The following ARHGAP22 variants were observed in gnomAD, a reference collection of about 807,000 sequenced individuals.
ARHGAP22 encodes the protein Rho GTPase activating protein 22, also known as rho GTPase-activating protein 22.
ARHGAP22 carries 48 observed loss-of-function variants against 59.1 expected under a neutral mutation model. The observed-to-expected ratio is 0.81, with a 90% CI of 0.64 to 1.03. The LOEUF (loss-of-function observed/expected upper bound fraction) is 1.03, where lower values mean the gene tolerates loss of function less well. Among genes scored for constraint, ARHGAP22 ranks in the 50% least tolerant of loss-of-function variants. ARHGAP22 has a pLI of 0.00. For synonymous variants in ARHGAP22, 445 were observed against 416.4 expected (o/e 1.07, Z -0.84); for missense variants, 1,015 against 958.7 (o/e 1.06, Z -0.78).
intron 1 of ARHGAP22, among the ~76,000 whole-genome samples, chr10:48,600,523 T>C (rs1410351081): frequency 2.1e-5 from 3 of 145,866 alleles, no homozygotes; most frequent in Non-Finnish European, 4.5e-5. Flanking sequence ...ATTTTAGAAA[T>C]AAACAATGAA....
At chr10:48,431,203 T>C in the ARHGAP22 span, 1 of 1,605,394 alleles carries the variant, frequency 6.2e-7, no homozygotes, top group South Asian at 1.1e-5. Context: ...AATTGATATA[T>C]AAGGAAGTTA....
chr10:48,584,409 A>C (rs2059297400), intron 1 of ARHGAP22, among the ~76,000 whole-genome samples: 1 of 152,204 alleles, frequency 6.6e-6, no homozygotes, highest in Non-Finnish European at 1.5e-5. Context: ...AGCCAACTCA[A>C]AGGACACTTC....
At position 48,582,996 on chromosome 10, in the gene ARHGAP22, T is replaced by C. The variant is rs2059210188; in HGVS notation, c.191A>G (p.Asp64Gly). Residue 64 changes from aspartate to glycine, a missense_variant, in exon 2 of 10, where the codon GAT becomes GGT. Asp to Gly is a moderately conservative substitution (Grantham distance 94). Coordinates refer to ENST00000249601, the MANE Select transcript of ARHGAP22 (RefSeq NM_021226.4). Reference protein sequence around the residue: ...WQQRWFVLRGDQLFYYKDKDE... With the variant: ...WQQRWFVLRGGQLFYYKDKDE... The stretch of plus-strand genomic sequence containing the variant: ...TTTGTCCTTGTAGTAGAAAAGCTGA[T>C]CCCCACGCAGCACAAACCAGCGCTG... 3.1e-6 allele frequency: 5 copies of C among 1,614,200 alleles called. No homozygotes were observed. The highest frequency in any genetic ancestry group is 4.5e-5 in the East Asian group (2 of 44,878).
At chr10:48,505,354 T>C (rs1445000146) in intron 3 of ARHGAP22, among the ~76,000 whole-genome samples, 1 of 151,990 alleles carries the variant, frequency 6.6e-6, no homozygotes, top group Non-Finnish European at 1.5e-5. Context: ...TAAAAATCAG[T>C]CTGTAATTGT....
chr10:48,479,921 A>C (rs4240513), intron 3 of ARHGAP22, among the ~76,000 whole-genome samples, 157 bp from the exon 4 acceptor site: 141,901 of 152,208 alleles, frequency 0.93, 66,998 homozygotes, highest in East Asian at 1. Flanking sequence ...CCCTTTCACA[A>C]CTCATATCTC....
At position 48,450,486 on chromosome 10, in the gene ARHGAP22, G is replaced by A; in HGVS notation, c.1643C>T (p.Ala548Val). The A allele has an allele frequency of 1.3e-6, 2 of 1,534,502 alleles. No homozygotes were observed. Residue 548 changes from alanine (A) to valine (V), a missense_variant, in exon 9 of 10, where the codon GCC (alanine) becomes GTC (valine). Ala to Val is a moderately conservative substitution (Grantham distance 64, BLOSUM62 0). Transcript: ENST00000249601. ...SARSSLHTDWALEPSPLPSSS... is the reference protein window; with the variant it reads ...SARSSLHTDWVLEPSPLPSSS... ...GCTGGGGAGCGGGGAGGGCTCCAGG[G>A]CCCAGTCGGTGTGCAGGGAACTGCG...
chr10:48,648,418 G>A (rs1490700512), intron 1 of ARHGAP22, among the ~76,000 whole-genome samples: 1 of 152,134 alleles, frequency 6.6e-6, no homozygotes, highest in East Asian at 1.9e-4. Flanking sequence ...AGTGTGATGT[G>A]TGTCCCTTCC....
intron 3 of ARHGAP22, among the ~76,000 whole-genome samples, chr10:48,541,478 C>T (rs575110412): frequency 1.3e-5 from 2 of 152,316 alleles, no homozygotes; most frequent in South Asian, 2.1e-4. Context: ...CCAGCACCAG[C>T]CTGATCTTCT....
intron 3 of ARHGAP22, among the ~76,000 whole-genome samples, chr10:48,541,557 G>A (rs1424979745): frequency 5.9e-5 from 9 of 152,176 alleles, no homozygotes; most frequent in South Asian, 4.2e-4. Flanking sequence ...CAGCTAGCCC[G>A]CTGCAGGACA....
intron 3 of ARHGAP22, among the ~76,000 whole-genome samples, chr10:48,542,843 G>A (rs2056087155): frequency 6.6e-6 from 1 of 152,232 alleles, no homozygotes; most frequent in Non-Finnish European, 1.5e-5. Flanking sequence ...TGGGGTAGCA[G>A]GCTGTCGGAA....
At chr10:48,542,033 C>G (rs899029614) in intron 3 of ARHGAP22, among the ~76,000 whole-genome samples, 2 of 152,164 alleles carry the variant, frequency 1.3e-5, no homozygotes, top group African/African-American at 4.8e-5. Flanking sequence ...GAGCATGGCA[C>G]GAGAATGTGG....
chr10:48,598,177 G>A (rs977527502), intron 1 of ARHGAP22, among the ~76,000 whole-genome samples: 22 of 152,244 alleles, frequency 1.4e-4, no homozygotes, highest in African/African-American at 5.1e-4. Context: ...CGTGGGAAGA[G>A]AAACTCTGTT....
At chr10:48,542,705 C>T (rs547893296) in intron 3 of ARHGAP22, among the ~76,000 whole-genome samples, 5 of 152,290 alleles carry the variant, frequency 3.3e-5, no homozygotes, top group South Asian at 4.1e-4. Context: ...TGCTCAGGGT[C>T]GGCAGTGCCA....
intron 3 of ARHGAP22, among the ~76,000 whole-genome samples, chr10:48,525,026 T>A (rs2054202602): frequency 6.6e-6 from 1 of 152,128 alleles, no homozygotes; most frequent in Admixed American, 6.5e-5. Flanking sequence ...GTGTGAGCTA[T>A]CATCATCATC....
rs2059266341 is a variant in ARHGAP22, at chr10:48,583,853, C to T, written c.35-701G>A. ...GTGGCTTCCTGGCAGGGCAGAGGGG[C>T]CAGCACTCCTACCCCAGAGCCTCTG... On this transcript the variant is annotated intron_variant, in intron 1 of 9. Coordinates refer to ENST00000249601, the MANE Select transcript of ARHGAP22 (RefSeq NM_021226.4). 2.0e-5 allele frequency among the ~76,000 whole-genome samples: 3 copies of T among 152,318 alleles called. No homozygotes were observed. The South Asian group carries it at 6.2e-4, about 32-fold the overall frequency.
chr10:48,589,891 A>G (rs1483424372), intron 1 of ARHGAP22, among the ~76,000 whole-genome samples: 1 of 152,168 alleles, frequency 6.6e-6, no homozygotes, highest in Non-Finnish European at 1.5e-5. Flanking sequence ...TATGGTATTT[A>G]CTACACACAG....
At chr10:48,598,298 T>A (rs1356764101) in intron 1 of ARHGAP22, among the ~76,000 whole-genome samples, 1 of 152,116 alleles carries the variant, frequency 6.6e-6, no homozygotes, top group African/African-American at 2.4e-5. Flanking sequence ...GCCACCTTCA[T>A]CTCCTGGCAT....
At chr10:48,474,926 A>G (rs1421048097) in intron 4 of ARHGAP22, among the ~76,000 whole-genome samples, 1 of 152,124 alleles carries the variant, frequency 6.6e-6, no homozygotes, top group Admixed American at 6.5e-5. Context: ...TGTCCCTCCT[A>G]CACCATCAAT....
At chr10:48,638,345 C>G (rs193253014) in intron 1 of ARHGAP22, among the ~76,000 whole-genome samples, 12 of 152,286 alleles carry the variant, frequency 7.9e-5, no homozygotes, top group Admixed American at 7.8e-4. Flanking sequence ...CATTGTTCCA[C>G]CTTCCCATGA....
Sources: gnomAD v4.1 joint callset for allele counts (sites outside exome capture counted in the v4.1 genomes callset) on GRCh38, gnomAD v4.1.1 for gene constraint, MANE v1.5 for transcripts, NCBI Gene and HGNC (gene_info 2026-07-23, HGNC 2026-07-21) for gene names.